Variants in ADAMTSL1 observed in about 807,000 individuals in gnomAD.
ADAMTSL1 encodes ADAMTS like 1, also known as ADAMTS-like protein 1.
In ADAMTSL1, 126 loss-of-function variants were observed where a neutral mutation model predicts 201.8. The ratio of observed to expected loss-of-function variants is 0.62; its 90% CI spans 0.54 to 0.72. The LOEUF is 0.72. ADAMTSL1 is among the 30% of genes least tolerant of loss of function. ADAMTSL1 has a pLI of 0.00. For missense variants in ADAMTSL1, 2,679 were observed against 2,277.8 expected, an observed-to-expected ratio of 1.18 and a Z score of -3.59; for synonymous variants, 1,121 against 903.4, an observed-to-expected ratio of 1.24 and a Z score of -4.32.
chr9:18,756,122 T>TATATAC (rs1491270780), intron 16 of ADAMTSL1, among the ~76,000 whole-genome samples: 3 of 85,842 alleles, frequency 3.5e-5, no homozygotes, highest in Non-Finnish European at 4.7e-5. Flanking sequence ...TATATATATA[T>TATATAC]ACAAAAATTA....
intron 15 of ADAMTSL1, among the ~76,000 whole-genome samples, chr9:18,729,749 C>T (rs1311920990): frequency 6.6e-6 from 1 of 152,116 alleles, no homozygotes; most frequent in African/African-American, 2.4e-5. Context: ...GGGAATGGTC[C>T]TGGAGGGGTC....
intron 5 of ADAMTSL1, among the ~76,000 whole-genome samples, chr9:18,629,341 C>T (rs1358743611): frequency 6.6e-6 from 1 of 152,038 alleles, no homozygotes; most frequent in Admixed American, 6.6e-5. Flanking sequence ...AAGAGGAAAG[C>T]ATTCAGTTTC....
chr9:18,170,137 A>T (rs1827824900), intron 2 of ADAMTSL1, among the ~76,000 whole-genome samples: 4 of 152,056 alleles, frequency 2.6e-5, no homozygotes, highest in Admixed American at 2.6e-4. Context: ...GACTTACCCA[A>T]TGTATTATGT....
At chr9:18,335,908 C>A (rs1291931635) in intron 2 of ADAMTSL1, among the ~76,000 whole-genome samples, 1 of 152,038 alleles carries the variant, frequency 6.6e-6, no homozygotes, top group South Asian at 2.1e-4. Flanking sequence ...AACAAAAATT[C>A]TGGATTCCTG....
chr9:18,505,022 G>A, intron 2 of ADAMTSL1, 66 bp downstream of exon 2: 1 of 1,552,424 alleles, frequency 6.4e-7, no homozygotes, highest in Non-Finnish European at 8.6e-7. Flanking sequence ...GCATGCTTTT[G>A]TGATTGGGTT....
At chr9:18,201,707 T>C (rs1211806591) in intron 2 of ADAMTSL1, among the ~76,000 whole-genome samples, 1 of 152,138 alleles carries the variant, frequency 6.6e-6, no homozygotes, top group East Asian at 1.9e-4. Context: ...TCTTATAGTG[T>C]AATATGTAAG....
chr9:18,237,007 G>A (rs1265997496), intron 2 of ADAMTSL1, among the ~76,000 whole-genome samples: 1 of 152,146 alleles, frequency 6.6e-6, no homozygotes, highest in Non-Finnish European at 1.5e-5. Context: ...TTTTTCCAGA[G>A]CCTGACTATT....
intron 4 of ADAMTSL1, among the ~76,000 whole-genome samples, chr9:18,611,664 A>G (rs1375305623): frequency 1.3e-5 from 2 of 152,186 alleles, no homozygotes; most frequent in African/African-American, 4.8e-5. Flanking sequence ...CAGAGTGTTT[A>G]TCCAGCCATT....
Position 18,399,545 on chromosome 9 carries a change from G to A in ADAMTSL1, c.208-105284G>A, listed in dbSNP as rs142839444. On this transcript the variant is annotated intron_variant, in intron 2 of 29. Transcript: ENST00000680146. ...TTTTGTAGAGACAGGGTTTCACCCT[G>A]TTGGCTGGTGAACCAGGCTGGTCTC... Among the ~76,000 whole-genome samples, 142 of 151,058 alleles carry A rather than the reference G, an allele frequency of 9.4e-4. 1 individual carries two copies. Among genetic ancestry groups the A allele is most frequent in the Middle Eastern group, 3.4e-3 (1 of 290 alleles).
At chr9:18,649,248 T>G (rs1230450035) in intron 7 of ADAMTSL1, among the ~76,000 whole-genome samples, 1 of 152,198 alleles carries the variant, frequency 6.6e-6, no homozygotes, top group Non-Finnish European at 1.5e-5. Flanking sequence ...TCAGCTCCTT[T>G]AAGCACTTCT....
In ADAMTSL1 at chr9:18,574,237, T is replaced by C. The variant is rs1228116430; in HGVS notation, c.445T>C (p.Leu149=). Residue 149 remains leucine (L), a synonymous_variant, in exon 4 of 29, where the codon TTG becomes CTG. Transcript: ENST00000380548. ...TGGTACGCGTTGCTATACAGAATCTTTGGATATGTGCATCAGTGGTTTATG... is the reference window on the plus strand; with the variant it reads ...TGGTACGCGTTGCTATACAGAATCTCTGGATATGTGCATCAGTGGTTTATG... ...LDGTRCYTES[L]DMCISGLCQI... is the part of the protein sequence containing the mutation. 1.2e-6 allele frequency: 2 copies of C among 1,614,014 alleles called. No homozygotes were observed. Among genetic ancestry groups the C allele is most frequent in the Non-Finnish European group, 1.7e-6 (2 of 1,179,994 alleles).
chr9:18,415,095 A>T (rs1818616141), intron 2 of ADAMTSL1, among the ~76,000 whole-genome samples: 1 of 152,222 alleles, frequency 6.6e-6, no homozygotes, highest in African/African-American at 2.4e-5. Flanking sequence ...GCTCAGAACA[A>T]AGCTTAAGAA....
upstream of ADAMTSL1, chr9:18,474,129 A>T: frequency 2.1e-6 from 2 of 966,448 alleles, no homozygotes; most frequent in South Asian, 2.9e-5. Context: ...GGAAGCTGAT[A>T]GGCAGGACTG....
At chr9:17,962,481 C>T (rs1177729436) in intron 1 of ADAMTSL1, among the ~76,000 whole-genome samples, 2 of 152,166 alleles carry the variant, frequency 1.3e-5, no homozygotes. Context: ...TTACCTTACA[C>T]AACCAATGTT....
At chr9:18,176,899 C>A (rs1035673631) in intron 2 of ADAMTSL1, among the ~76,000 whole-genome samples, 2 of 152,104 alleles carry the variant, frequency 1.3e-5, no homozygotes, top group African/African-American at 2.4e-5. Context: ...TCAGAAACAG[C>A]GCTTGATTTT....
At chr9:18,523,290 T>C (rs1219048507) in intron 2 of ADAMTSL1, among the ~76,000 whole-genome samples, 10 of 152,214 alleles carry the variant, frequency 6.6e-5, no homozygotes, top group African/African-American at 2.4e-5. Context: ...ATGGGGTTTT[T>C]TGTTTTTTTC....
In ADAMTSL1 at chr9:18,107,475, A is replaced by G. The variant is rs184544268; in HGVS notation, c.88-56387A>G. ...ACAGACACTATTAAATGAGAGAAGT[A>G]TTTTGTTGTGATGCTGAACATGGCA... On this transcript the variant is annotated intron_variant, in intron 1 of 29. Coordinates refer to the ADAMTSL1 transcript ENST00000680146. Among the ~76,000 whole-genome samples, 67 of 152,310 alleles carry G rather than the reference A, an allele frequency of 4.4e-4. No individual in the cohort carries two copies. In the East Asian group the frequency reaches 0.012, roughly 28 times the overall value.
intron 5 of ADAMTSL1, among the ~76,000 whole-genome samples, chr9:18,626,096 G>A (rs1215961228): frequency 6.6e-6 from 1 of 152,100 alleles, no homozygotes; most frequent in Non-Finnish European, 1.5e-5. Flanking sequence ...CCTGCCCCTG[G>A]CTGCTTTGGG....
chr9:17,993,403 C>T (rs1453654714), intron 1 of ADAMTSL1, among the ~76,000 whole-genome samples: 1 of 152,130 alleles, frequency 6.6e-6, no homozygotes, highest in African/African-American at 2.4e-5. Flanking sequence ...AAAGTCATGG[C>T]TGAAGTTCAT....
Sources: allele counts gnomAD v4.1 joint callset (sites outside exome capture counted in the v4.1 genomes callset), GRCh38; gene constraint gnomAD v4.1.1; transcripts MANE v1.5; gene names NCBI Gene and HGNC (gene_info 2026-07-23, HGNC 2026-07-21).